Variants in PAPPA2 observed in about 807,000 individuals in gnomAD.
PAPPA2 encodes the protein pappalysin 2.
Under a neutral mutation model 176.4 loss-of-function variants are expected in PAPPA2, and 86 were observed. The observed-to-expected ratio is 0.49, with a 90% CI of 0.41 to 0.58. PAPPA2 has a LOEUF of 0.58. PAPPA2 is among the 20% of genes least tolerant of loss of function. The pLI is 0.00. For missense variants in PAPPA2, 2,073 were observed against 2,256.9 expected, an observed-to-expected ratio of 0.92 and a Z score of 1.65; for synonymous variants, 809 against 852.2, an observed-to-expected ratio of 0.95 and a Z score of 0.88.
chr1:176,785,967 G>A lies in PAPPA2; in HGVS notation c.4716-3842G>A, dbSNP rs556364578. Among the ~76,000 whole-genome samples, 9 of 152,240 alleles carry A rather than the reference G, an allele frequency of 5.9e-5. No individual in the cohort carries two copies. In the East Asian group the frequency reaches 1.7e-3, roughly 29 times the overall value. ...TTTTCCTTTATAATCATGCTGACAT[G>A]CAAAGTTTTTACAGCCGTGCTTCTC... On this transcript the variant is annotated intron_variant, in intron 17 of 22. Coordinates refer to ENST00000367662, the MANE Select transcript of PAPPA2 (RefSeq NM_020318.3).
At chr1:176,669,933 A>G (rs1376311642) in intron 3 of PAPPA2, among the ~76,000 whole-genome samples, 1 of 152,176 alleles carries the variant, frequency 6.6e-6, no homozygotes, top group Non-Finnish European at 1.5e-5. Flanking sequence ...TCAACAAAGC[A>G]TAATCAGTAA....
intron 2 of PAPPA2, among the ~76,000 whole-genome samples, chr1:176,566,334 G>A (rs957732411): frequency 6.6e-6 from 1 of 152,126 alleles, no homozygotes; most frequent in African/African-American, 2.4e-5. Flanking sequence ...AGAATGGCCT[G>A]TGATTATCCT....
chr1:176,682,336 T>C (rs1478977209), intron 4 of PAPPA2, among the ~76,000 whole-genome samples: 3 of 152,252 alleles, frequency 2.0e-5, no homozygotes, highest in South Asian at 2.1e-4. Flanking sequence ...GAGAAGGTGA[T>C]GCTTAGAGGG....
At chr1:176,567,515 A>G (rs1371426550) in intron 2 of PAPPA2, among the ~76,000 whole-genome samples, 2 of 152,186 alleles carry the variant, frequency 1.3e-5, no homozygotes, top group Non-Finnish European at 1.5e-5. Context: ...ACATTCTGGG[A>G]AGGTTATAAA....
chr1:176,811,210 CTTAT>C (rs889518105), intron 21 of PAPPA2, among the ~76,000 whole-genome samples: 1 of 152,112 alleles, frequency 6.6e-6, no homozygotes, highest in African/African-American at 2.4e-5. Flanking sequence ...AAAAATGAAT[CTTAT>C]TTGTGATATC....
Position 176,844,956 on chromosome 1 carries a change from T to C in PAPPA2, c.*2502T>C, listed in dbSNP as rs1433730191. ...CTGCTCTGGGAAAGCAAAAGGAAAG[T>C]TCCTGTTGTGTGTGAAGAGCCTCTT... On this transcript the variant is annotated 3_prime_UTR_variant, in exon 23 of 23. Transcript: ENST00000367662. 6.6e-6 allele frequency: 1 copy of C among 152,194 alleles called. No individual in the cohort carries two copies. Among genetic ancestry groups the C allele is most frequent in the African/African-American group, 2.4e-5 (1 of 41,466 alleles). The allele number at this position is 152,194 out of a possible 1,614,324, so 9.4% of individuals were successfully genotyped here.
Position 176,702,675 on chromosome 1 carries a change from C to G in PAPPA2, c.3305C>G (p.Ala1102Gly). ...LAEAGGELGE[A>G]SPPLNHIHGA... ...GAAGCTGGAGGAGAACTGGGAGAAGCTTCGCCTCCTCTGAACCACATTCAT... is the reference window on the plus strand; with the variant it reads ...GAAGCTGGAGGAGAACTGGGAGAAGGTTCGCCTCCTCTGAACCACATTCAT... Residue 1102 changes from alanine (A) to glycine (G), a missense_variant, in exon 9 of 23, where the codon GCT becomes GGT. Around this residue, in one of 4 missense-constraint regions of PAPPA2, gnomAD observed 846 missense variants for 857.9 expected, o/e 0.99. Transcript: ENST00000367662. 6.2e-7 allele frequency: 1 copy of G among 1,613,454 alleles called. No homozygotes were observed. Among genetic ancestry groups the G allele is most frequent in the Middle Eastern group, 1.6e-4 (1 of 6,062 alleles).
rs150325559 is a variant in PAPPA2 at position 176,658,972 on chromosome 1, A to G, written c.1992-11998A>G. Among the ~76,000 whole-genome samples, 236 of 152,182 alleles carry G rather than the reference A, an allele frequency of 1.6e-3. 1 individual carries two copies. The Middle Eastern group carries it at 0.02, about 13-fold the overall frequency. On this transcript the variant is annotated intron_variant, in intron 3 of 22. Coordinates refer to ENST00000367662, the MANE Select transcript of PAPPA2 (RefSeq NM_020318.3). ...CAGGAAAAATGCAGATATATTATACATTAGACTTTGGGAAAGGAAATTCTA... is the reference window on the plus strand; with the variant it reads ...CAGGAAAAATGCAGATATATTATACGTTAGACTTTGGGAAAGGAAATTCTA...
At chr1:176,660,818 T>C (rs1376653635) in intron 3 of PAPPA2, among the ~76,000 whole-genome samples, 1 of 152,152 alleles carries the variant, frequency 6.6e-6, no homozygotes, top group Non-Finnish European at 1.5e-5. Context: ...TTCTTTCTTG[T>C]CTAAGTAGTA....
chr1:176,510,714 G>A (rs1451821039), intron 1 of PAPPA2, among the ~76,000 whole-genome samples: 1 of 150,856 alleles, frequency 6.6e-6, no homozygotes, highest in Admixed American at 6.6e-5. Context: ...AGAATGGGAA[G>A]GAGAAAATGG....
At chr1:176,685,893 A>G (rs1004734480) in intron 4 of PAPPA2, among the ~76,000 whole-genome samples, 2 of 152,252 alleles carry the variant, frequency 1.3e-5, no homozygotes, top group Non-Finnish European at 2.9e-5. Flanking sequence ...TTATTAAAAC[A>G]TGAAAGAACT....
At chr1:176,551,142 G>A (rs897425164) in intron 1 of PAPPA2, among the ~76,000 whole-genome samples, 6 of 152,192 alleles carry the variant, frequency 3.9e-5, no homozygotes, top group African/African-American at 9.7e-5. Flanking sequence ...AGTTACCCCC[G>A]AAAGATAGAG....
chr1:176,609,917 T>G (rs547234742), intron 3 of PAPPA2, among the ~76,000 whole-genome samples: 3 of 152,268 alleles, frequency 2.0e-5, no homozygotes, highest in African/African-American at 4.8e-5. Context: ...TGATGGGTAA[T>G]CTCAAGAAGA....
intron 3 of PAPPA2, among the ~76,000 whole-genome samples, chr1:176,647,877 A>C (rs1209455845): frequency 6.6e-6 from 1 of 151,572 alleles, no homozygotes; most frequent in Non-Finnish European, 1.5e-5. Flanking sequence ...AGGTATTTTG[A>C]GGCCTCCAGC....
chr1:176,699,088 A>C lies in PAPPA2; in HGVS notation c.2747-12A>C. On this transcript the variant is annotated splice_polypyrimidine_tract_variant and intron_variant, in intron 7 of 22. Coordinates refer to ENST00000367662, the MANE Select transcript of PAPPA2 (RefSeq NM_020318.3). Reference sequence around the variant, plus strand: ...CTGCTACTGATGTATCTTTCTGCTAATCTCCCCCCAGGGCCTCCTGATGTG... The same window carrying C: ...CTGCTACTGATGTATCTTTCTGCTACTCTCCCCCCAGGGCCTCCTGATGTG... 1 of 1,598,904 alleles carries C rather than the reference A, an allele frequency of 6.3e-7. No individual in the cohort carries two copies. The highest frequency in any genetic ancestry group is 1.1e-5 in the South Asian group (1 of 89,826).
chr1:176,611,681 C>G (rs924215088), intron 3 of PAPPA2, among the ~76,000 whole-genome samples: 1 of 152,258 alleles, frequency 6.6e-6, no homozygotes, highest in East Asian at 1.9e-4. Context: ...GTAACCTCTC[C>G]TATCTGTAGC....
chr1:176,473,286 T>C (rs1360082812), intron 1 of PAPPA2, among the ~76,000 whole-genome samples: 2 of 152,208 alleles, frequency 1.3e-5, no homozygotes. Flanking sequence ...GATCATACAA[T>C]ATACAGCCTT....
intron 16 of PAPPA2, 59 bp from the exon 17 acceptor site, chr1:176,770,908 T>C: frequency 1.3e-6 from 2 of 1,512,094 alleles, no homozygotes; most frequent in Non-Finnish European, 1.8e-6. Context: ...TCATCTGCTA[T>C]GATTATCTTT....
intron 3 of PAPPA2, among the ~76,000 whole-genome samples, chr1:176,619,615 A>T (rs894950335): frequency 6.6e-6 from 1 of 152,244 alleles, no homozygotes; most frequent in Non-Finnish European, 1.5e-5. Context: ...TACACTGTTC[A>T]GCTTACCACT....
Sources: gnomAD v4.1 joint callset for allele counts (sites outside exome capture counted in the v4.1 genomes callset) on GRCh38, gnomAD v4.1.1 for gene constraint, gnomAD v4.1.1 regional missense constraint, MANE v1.5 for transcripts, NCBI Gene and HGNC (gene_info 2026-07-23, HGNC 2026-07-21) for gene names.